The following ZMYND8 variants were observed in gnomAD, a reference collection of about 807,000 sequenced individuals.
ZMYND8 encodes MYND-type zinc finger-containing chromatin reader ZMYND8.
Under a neutral mutation model 140.8 loss-of-function variants are expected in ZMYND8, and 37 were observed. The observed-to-expected ratio is 0.26, with a 90% confidence interval of 0.20 to 0.35. The LOEUF (loss-of-function observed/expected upper bound fraction) is 0.35, where lower values mean the gene tolerates loss of function less well. ZMYND8 is among the 10% of genes least tolerant of loss of function. ZMYND8 has a pLI of 1.00. For missense variants in ZMYND8, 1,068 were observed against 1,570.0 expected (o/e 0.68, Z 5.40); for synonymous variants, 592 against 597.1 (o/e 0.99, Z 0.12).
rs776573435 is a variant in ZMYND8, at chr20:47,319,124, C to G, written c.86-8920G>C. 8.5e-6 allele frequency: 9 copies of G among 1,063,400 alleles called. No homozygotes were observed. The Middle Eastern group carries it at 6.9e-4, about 82-fold the overall frequency. 65.9% of individuals were successfully genotyped at this position (1,063,400 alleles called of 1,614,324 possible). ...GAGTCACCACTTACCAGGCCAGCCCCGGTCTTGTACGCATTAGGTCGCCCG... is the reference window on the plus strand; with the variant it reads ...GAGTCACCACTTACCAGGCCAGCCCGGGTCTTGTACGCATTAGGTCGCCCG... On this transcript the variant is annotated intron_variant, in intron 2 of 22. Coordinates refer to ENST00000471951, the MANE Select transcript of ZMYND8 (RefSeq NM_001281775.3).
At chr20:47,227,371 G>C in intron 17 of ZMYND8, 90 bp from the exon 18 acceptor site, 2 of 1,260,626 alleles carry the variant, frequency 1.6e-6, no homozygotes, top group Non-Finnish European at 2.3e-6. Context: ...GCTGTGAGGG[G>C]TATGGGAATC....
intron 2 of ZMYND8, among the ~76,000 whole-genome samples, chr20:47,347,128 T>C (rs1202788910): frequency 6.6e-6 from 1 of 152,180 alleles, no homozygotes; most frequent in African/African-American, 2.4e-5. Context: ...GGTACAACCA[T>C]TAAGTTTGGA....
intron 3 of ZMYND8, among the ~76,000 whole-genome samples, chr20:47,299,975 C>T (rs560167348): frequency 4.6e-5 from 7 of 152,262 alleles, no homozygotes; most frequent in Admixed American, 4.6e-4. Flanking sequence ...CATGGTAGGT[C>T]CTTGTTTTTG....
chr20:47,288,564 T>G (rs1002855875), intron 7 of ZMYND8, among the ~76,000 whole-genome samples: 1 of 151,964 alleles, frequency 6.6e-6, no homozygotes, highest in African/African-American at 2.4e-5. Context: ...CAACTAATTT[T>G]TGTATTTTTA....
At chr20:47,248,308 C>G (rs559288999) in intron 13 of ZMYND8, among the ~76,000 whole-genome samples, 1 of 152,344 alleles carries the variant, frequency 6.6e-6, no homozygotes, top group African/African-American at 2.4e-5. Context: ...GTTGGGCCAG[C>G]TGCATGGAAG....
intron 2 of ZMYND8, among the ~76,000 whole-genome samples, chr20:47,311,347 C>T (rs568437365): frequency 4.3e-4 from 66 of 152,316 alleles, no homozygotes; most frequent in African/African-American, 1.5e-3. Context: ...CGGTGGCTCA[C>T]ACCTATAAAC....
chr20:47,293,104 GAGGAAAGAAGGA>G (rs1353710230), intron 5 of ZMYND8, among the ~76,000 whole-genome samples: 80 of 108,438 alleles, frequency 7.4e-4, no homozygotes, highest in African/African-American at 3.1e-3. Context: ...AGGGAGGGAC[GAGGAAAGAAGGA>G]AGGAAGGAAG....
chr20:47,334,606 AT>A (rs547266113), intron 2 of ZMYND8, among the ~76,000 whole-genome samples: 3,284 of 129,554 alleles, frequency 0.025, 113 homozygotes, highest in African/African-American at 0.085. Flanking sequence ...AAAAAAAAAA[AT>A]ATATATATAT....
Position 47,283,666 on chromosome 20 carries a change from A to T in ZMYND8, c.805-18T>A. 6.2e-7 allele frequency: 1 copy of T among 1,612,108 alleles called. No homozygotes were observed. The highest frequency in any genetic ancestry group is 8.5e-7 in the Non-Finnish European group (1 of 1,178,676). ...TCATTCATCTGTAAAGCAAAAATAC[A>T]TTAGAATGTGTCACCCCAGGGGTGG... On this transcript the variant is annotated intron_variant, in intron 8 of 22. Transcript: ENST00000471951.
intron 11 of ZMYND8, 69 bp downstream of exon 11, chr20:47,276,245 C>CAAGT: frequency 6.8e-7 from 1 of 1,464,992 alleles, no homozygotes. Flanking sequence ...TTGGGCCCAC[C>CAAGT]AAGTGTGCAC....
intron 2 of ZMYND8, among the ~76,000 whole-genome samples, chr20:47,346,900 T>C (rs1455285198): frequency 1.3e-5 from 2 of 152,226 alleles, no homozygotes; most frequent in African/African-American, 2.4e-5. Context: ...CCACCACGCC[T>C]GGCGACACGC....
At chr20:47,320,813 T>G (rs2079880520) in intron 2 of ZMYND8, 1 of 152,116 alleles carries the variant, frequency 6.6e-6, no homozygotes. Flanking sequence ...GGCTCATGGG[T>G]GCACAGAAGG....
intron 2 of ZMYND8, among the ~76,000 whole-genome samples, chr20:47,341,371 T>G (rs1344410449): frequency 7.0e-6 from 1 of 142,192 alleles, no homozygotes; most frequent in Non-Finnish European, 1.5e-5. Context: ...TACTAAAAAT[T>G]TAAAAATTAG....
intron 2 of ZMYND8, among the ~76,000 whole-genome samples, chr20:47,317,177 C>G (rs2079471699): frequency 2.0e-5 from 3 of 152,228 alleles, no homozygotes; most frequent in African/African-American, 7.2e-5. Context: ...GAAGGTCCAA[C>G]AAACAGTTTC....
intron 2 of ZMYND8, among the ~76,000 whole-genome samples, chr20:47,338,495 GA>G (rs1160172001): frequency 6.6e-6 from 1 of 151,974 alleles, no homozygotes; most frequent in Non-Finnish European, 1.5e-5. Context: ...CACTGGGACT[GA>G]ACAAGAGATA....
At chr20:47,266,144 G>C (rs1256734327) in intron 11 of ZMYND8, among the ~76,000 whole-genome samples, 1 of 152,122 alleles carries the variant, frequency 6.6e-6, no homozygotes, top group East Asian at 1.9e-4. Context: ...CCACCTCCTA[G>C]TGCCACCAAT....
At chr20:47,217,821 TAG>T (rs1348809095) in intron 21 of ZMYND8, among the ~76,000 whole-genome samples, 1 of 152,182 alleles carries the variant, frequency 6.6e-6, no homozygotes, top group Non-Finnish European at 1.5e-5. Flanking sequence ...TCCACGAAGA[TAG>T]GCATTTATCT....
intron 12 of ZMYND8, among the ~76,000 whole-genome samples, chr20:47,255,722 G>GTGTGTGTA (rs1458176502): frequency 1.3e-5 from 1 of 77,766 alleles, no homozygotes; most frequent in African/African-American, 5.8e-5. Flanking sequence ...GTGTATGTGT[G>GTGTGTGTA]TATATATATA....
intron 18 of ZMYND8, among the ~76,000 whole-genome samples, chr20:47,224,913 TC>T (rs1360931417): frequency 6.7e-6 from 1 of 150,050 alleles, no homozygotes; most frequent in Non-Finnish European, 1.5e-5. Context: ...ATAAGCCTTT[TC>T]CCCCCTATCA....
Sources: gnomAD v4.1 joint callset for allele counts (sites outside exome capture counted in the v4.1 genomes callset) on GRCh38, gnomAD v4.1.1 for gene constraint, MANE v1.5 for transcripts, NCBI Gene and HGNC (gene_info 2026-07-23, HGNC 2026-07-21) for gene names.